Variants in CKAP2L observed in about 807,000 individuals in gnomAD.
CKAP2L encodes cytoskeleton-associated protein 2-like.
In CKAP2L, 42 loss-of-function variants were observed where a neutral mutation model predicts 65.7. The ratio of observed to expected loss-of-function variants is 0.64; its 90% confidence interval spans 0.50 to 0.83. CKAP2L has a LOEUF of 0.83. CKAP2L is among the 40% of genes least tolerant of loss of function. The pLI is 0.00. For missense variants in CKAP2L, 908 were observed against 871.0 expected, an observed-to-expected ratio of 1.04 and a Z score of -0.53; for synonymous variants, 325 against 313.5, an observed-to-expected ratio of 1.04 and a Z score of -0.39.
At chr2:112,743,974 T>A (rs72952107) in intron 6 of CKAP2L, among the ~76,000 whole-genome samples, 2,088 of 152,310 alleles carry the variant, frequency 0.014, 46 homozygotes, top group African/African-American at 0.048. Context: ...GAACTCTGTA[T>A]CAAATAGATA....
At position 112,749,719 on chromosome 2, in the gene CKAP2L, A is replaced by G. The variant is rs113331811; in HGVS notation, c.1602+2548T>C. 8.7e-3 allele frequency among the ~76,000 whole-genome samples: 1,325 copies of G among 152,336 alleles called. 20 individuals carry two copies. Among genetic ancestry groups the G allele is most frequent in the African/African-American group, 0.03 (1,258 of 41,576 alleles). ...TCAAGCTATTTAGAAATGAACAATG[A>G]CAAGATATGTCAGTTATGAAGCTTT... On this transcript the variant is annotated intron_variant, in intron 5 of 8. Coordinates refer to ENST00000302450, the MANE Select transcript of CKAP2L (RefSeq NM_152515.5).
Position 112,756,782 on chromosome 2 carries a change from T to C in CKAP2L, c.589A>G (p.Arg197Gly), listed in dbSNP as rs757989419. The change falls in exon 4 of 9, where the codon AGG (arginine) becomes GGG (glycine). Residue 197 changes from arginine (R) to glycine (G), a missense_variant. Physicochemically the swap from Arg to Gly is moderately radical, Grantham distance 125 (BLOSUM62 -2). Transcript: ENST00000302450. ...NLLDILTEPE[R>G]KPDPKLYTRS... ...GTATATAATTTAGGATCTGGCTTCC[T>C]CTCAGGTTCTGTTAAGATATCGAGC... 6.2e-7 allele frequency: 1 copy of C among 1,603,194 alleles called. No homozygotes were observed. The highest frequency in any genetic ancestry group is 2.2e-5 in the East Asian group (1 of 44,848).
intron 4 of CKAP2L, among the ~76,000 whole-genome samples, chr2:112,752,819 C>T (rs1197123854): frequency 6.6e-6 from 1 of 152,164 alleles, no homozygotes; most frequent in Non-Finnish European, 1.5e-5. Flanking sequence ...AGATGACTAA[C>T]TCAGCAATTC....
chr2:112,758,672 C>A (rs564261451), intron 3 of CKAP2L, among the ~76,000 whole-genome samples: 1 of 152,168 alleles, frequency 6.6e-6, no homozygotes, highest in Non-Finnish European at 1.5e-5. Flanking sequence ...GGTGGAGGGA[C>A]GTTGGCATGA....
intron 5 of CKAP2L, among the ~76,000 whole-genome samples, chr2:112,750,777 A>AAAAT (rs1280378651): frequency 1.3e-5 from 2 of 151,650 alleles, no homozygotes; most frequent in African/African-American, 4.9e-5. Context: ...CTGCTATAGC[A>AAAAT]CTGAACATAT....
intron 3 of CKAP2L, 45 bp from the exon 4 acceptor site, chr2:112,757,259 C>T: frequency 7.5e-7 from 1 of 1,331,956 alleles, no homozygotes; most frequent in Non-Finnish European, 1.0e-6. Context: ...CTTAACATAT[C>T]TTATTGTTTT....
At chr2:112,739,905 C>T (rs529823306) in intron 8 of CKAP2L, among the ~76,000 whole-genome samples, 16 of 152,206 alleles carry the variant, frequency 1.1e-4, no homozygotes, top group East Asian at 1.9e-4. Flanking sequence ...CCTCCTGCCT[C>T]GGCCTACCAA....
Position 112,761,417 on chromosome 2 carries a change from C to T in CKAP2L, c.105-653G>A, listed in dbSNP as rs535093322. Among the ~76,000 whole-genome samples, 88 of 144,892 alleles carry T rather than the reference C, an allele frequency of 6.1e-4. No homozygotes were observed. In the East Asian group the frequency reaches 0.013, roughly 21 times the overall value. On this transcript the variant is annotated intron_variant, in intron 2 of 8. Coordinates refer to ENST00000302450, the MANE Select transcript of CKAP2L (RefSeq NM_152515.5). The stretch of plus-strand genomic sequence containing the variant: ...CAGAGCTTGCAGTGAGCCAAGATTG[C>T]GCCACTGCACTCCAGCCTGGGCAAC...
At chr2:112,760,098 T>C (rs550966153) in intron 3 of CKAP2L, among the ~76,000 whole-genome samples, 4 of 152,310 alleles carry the variant, frequency 2.6e-5, no homozygotes, top group South Asian at 4.1e-4. Flanking sequence ...AGATGAATAA[T>C]CTGTGCCTCT....
intron 6 of CKAP2L, among the ~76,000 whole-genome samples, chr2:112,745,096 C>T (rs986612406): frequency 2.6e-5 from 4 of 152,180 alleles, no homozygotes; most frequent in Non-Finnish European, 5.9e-5. Flanking sequence ...CCCAGAAAGA[C>T]AGCTGGTGAA....
In CKAP2L at chr2:112,756,852, G is replaced by T. The variant is rs775664936; in HGVS notation, c.519C>A (p.Asn173Lys). ...CTTTTAGAAAGTTATCCAAAGATTC[G>T]TTTTCAACATGGATATTATTCATAA... ...IDFMNNIHVE[N>K]ESLDNFLKET... Residue 173 changes from asparagine to lysine, a missense_variant, in exon 4 of 9, where the codon AAC (asparagine) becomes AAA (lysine). Transcript: ENST00000302450. 4 of 1,603,610 alleles carry T rather than the reference G, an allele frequency of 2.5e-6. No individual in the cohort carries two copies. In the Admixed American group the frequency reaches 7.0e-5, roughly 28 times the overall value.
intron 4 of CKAP2L, among the ~76,000 whole-genome samples, chr2:112,753,184 C>T (rs1247125333): frequency 6.6e-6 from 1 of 152,198 alleles, no homozygotes; most frequent in Non-Finnish European, 1.5e-5. Flanking sequence ...GTGTACATTT[C>T]AGTCCAGATC....
At chr2:112,764,411 C>G in intron 1 of CKAP2L, 151 bp downstream of exon 1, 1 of 817,256 alleles carries the variant, frequency 1.2e-6, no homozygotes, top group South Asian at 1.5e-5. Context: ...CTGGGGGTCC[C>G]GTCTGCGCTC....
intron 1 of CKAP2L, 52 bp from the exon 2 acceptor site, chr2:112,762,621 C>G (rs370380496): frequency 9.9e-6 from 14 of 1,419,476 alleles, no homozygotes; most frequent in African/African-American, 1.4e-5. Flanking sequence ...AAGATTTTAA[C>G]CAGTTCATTA....
chr2:112,742,719 G>GT lies in CKAP2L; in HGVS notation c.1808dup (p.Asn603LysfsTer10). The GT allele has an allele frequency of 6.2e-7, 1 of 1,602,832 alleles. No homozygotes were observed. Among genetic ancestry groups the GT allele is most frequent in the East Asian group, 2.2e-5 (1 of 44,804 alleles). ...AAATAATAGTACCTTCTGTGGTTCTGTTTGAGTCTTGCAAGATATTAAGAA... is the reference window on the plus strand; with the variant it reads ...AAATAATAGTACCTTCTGTGGTTCTGTTTTGAGTCTTGCAAGATATTAAGAA... On this transcript the variant is annotated frameshift_variant, in exon 7 of 9. Transcript: ENST00000302450. LOFTEE classifies it high-confidence loss of function.
chr2:112,756,262 T>C lies in CKAP2L; in HGVS notation c.1109A>G (p.Gln370Arg), dbSNP rs368816004. 3 of 1,614,066 alleles carry C rather than the reference T, an allele frequency of 1.9e-6. No individual in the cohort carries two copies. Among genetic ancestry groups the C allele is most frequent in the African/African-American group, 2.7e-5 (2 of 74,928 alleles). ...VCIPQTSCVLQKSKAISQRPN... is the reference protein window; with the variant it reads ...VCIPQTSCVLRKSKAISQRPN... Reference sequence around the variant, plus strand: ...CCTCTGGCTTATGGCTTTTGACTTTTGCAGTACACATGATGTCTGAGGTAT... The same window carrying C: ...CCTCTGGCTTATGGCTTTTGACTTTCGCAGTACACATGATGTCTGAGGTAT... The change falls in exon 4 of 9, where the codon CAA becomes CGA. Residue 370 changes from glutamine (Q) to arginine (R), a missense_variant. Gln to Arg is a conservative substitution (Grantham distance 43). Transcript: ENST00000302450.
chr2:112,738,913 T>G lies in CKAP2L; in HGVS notation c.2148A>C (p.Glu716Asp), dbSNP rs754041623. Residue 716 changes from glutamate (E) to aspartate (D), a missense_variant, in exon 9 of 9, where the codon GAA becomes GAC. Physicochemically the swap from Glu to Asp is conservative, Grantham distance 45 (BLOSUM62 2). Transcript: ENST00000302450. ...EHDLVVASLD[E>D]LLEVEETKCF... ...ATTTTGTTTCTTCCACTTCTAACAG[T>G]TCATCAAGAGAAGCCACTACTAAAT... 1.9e-6 allele frequency: 3 copies of G among 1,613,996 alleles called. No homozygotes were observed. The South Asian group carries it at 3.3e-5, about 18-fold the overall frequency.
chr2:112,752,148 C>T (rs1574331561), intron 5 of CKAP2L, 119 bp downstream of exon 5: 6 of 699,622 alleles, frequency 8.6e-6, no homozygotes, highest in Admixed American at 7.5e-5. Flanking sequence ...TCTGTATTTA[C>T]AAGAGTAGCT....
At position 112,757,060 on chromosome 2, in the gene CKAP2L, G is replaced by A. The variant is rs13007595; in HGVS notation, c.311C>T (p.Thr104Ile). The change falls in exon 4 of 9, where the codon ACT becomes ATT. Residue 104 changes from threonine (T) to isoleucine (I), a missense_variant. Coordinates refer to ENST00000302450, the MANE Select transcript of CKAP2L (RefSeq NM_152515.5). ...TGGGTTAGAAGAAACACATTCTGAAGTCAGCCTTTTGCCCAGAAGTTTTGG... is the reference window on the plus strand; with the variant it reads ...TGGGTTAGAAGAAACACATTCTGAAATCAGCCTTTTGCCCAGAAGTTTTGG... The part of the protein sequence containing the change: ...EPPKLLGKRL[T>I]SECVSSNPYS... The A allele has an allele frequency of 1.2e-6, 2 of 1,614,146 alleles. No homozygotes were observed. The highest frequency in any genetic ancestry group is 1.7e-6 in the Non-Finnish European group (2 of 1,180,030).
Sources: gnomAD v4.1 joint callset for allele counts (sites outside exome capture counted in the v4.1 genomes callset) on GRCh38, gnomAD v4.1.1 for gene constraint, MANE v1.5 for transcripts, NCBI Gene and HGNC (gene_info 2026-07-23, HGNC 2026-07-21) for gene names.